The following JMJD1C variants were observed in gnomAD, a reference collection of about 807,000 sequenced individuals.
JMJD1C encodes the protein jumonji domain-containing protein 1C.
A neutral mutation model predicts 245.3 loss-of-function variants in JMJD1C; 31 were observed. That is an observed-to-expected ratio of 0.13 (90% confidence interval 0.09 to 0.17). The LOEUF (loss-of-function observed/expected upper bound fraction) is 0.17. JMJD1C is among the 10% of genes least tolerant of loss of function. JMJD1C has a pLI of 1.00. For synonymous variants in JMJD1C, 1,057 were observed against 1,017.4 expected, an observed-to-expected ratio of 1.04 and a Z score of -0.74; for missense variants, 2,691 against 3,000.2, an observed-to-expected ratio of 0.90 and a Z score of 2.41.
intron 1 of JMJD1C, among the ~76,000 whole-genome samples, chr10:63,417,180 A>C (rs1275962424): frequency 6.6e-6 from 1 of 152,190 alleles, no homozygotes; most frequent in Non-Finnish European, 1.5e-5. Context: ...CAACTCAGGA[A>C]ACTTGCCCAA....
rs1477010012 is a variant in JMJD1C at position 63,217,327 on chromosome 10, A to C, written c.558T>G (p.Pro186=). 3 of 1,570,894 alleles carry C rather than the reference A, an allele frequency of 1.9e-6. No individual in the cohort carries two copies. Among genetic ancestry groups the C allele is most frequent in the Non-Finnish European group, 2.6e-6 (3 of 1,163,334 alleles). Residue 186 remains proline (P), a synonymous_variant, in exon 5 of 26, where the codon CCT becomes CCG. Coordinates refer to ENST00000399262, the MANE Select transcript of JMJD1C (RefSeq NM_032776.3). The part of the protein sequence containing the change: ...QKVQEIFMQG[P]YSLNGYRVRV... The stretch of plus-strand genomic sequence containing the variant: ...TCACTCTGTATCCATTTAAGGAATA[A>C]GGACCTTAAAAAAAACACAAGAAAC...
chr10:63,316,378 G>A (rs1259887921), intron 2 of JMJD1C, among the ~76,000 whole-genome samples: 1 of 152,150 alleles, frequency 6.6e-6, no homozygotes, highest in East Asian at 1.9e-4. Context: ...TGGTTATGAT[G>A]TGGCTTCTTA....
intron 2 of JMJD1C, among the ~76,000 whole-genome samples, chr10:63,316,776 T>C (rs1378146798): frequency 2.0e-5 from 3 of 152,086 alleles, no homozygotes; most frequent in South Asian, 2.1e-4. Context: ...TGTAGTAATG[T>C]GGTATTCTGC....
At chr10:63,392,524 C>A (rs1294886628) in intron 1 of JMJD1C, among the ~76,000 whole-genome samples, 1 of 151,842 alleles carries the variant, frequency 6.6e-6, no homozygotes, top group Non-Finnish European at 1.5e-5. Flanking sequence ...AAAAAAAAAT[C>A]CCATTAAAAA....
chr10:63,202,441 C>A (rs550557502), intron 10 of JMJD1C: 75 of 985,248 alleles, frequency 7.6e-5, no homozygotes, highest in Non-Finnish European at 8.6e-5. Flanking sequence ...TCTAATCATG[C>A]CCAATGTGTG....
intron 2 of JMJD1C, among the ~76,000 whole-genome samples, chr10:63,273,407 T>C (rs560505929): frequency 6.6e-6 from 1 of 152,304 alleles, no homozygotes; most frequent in African/African-American, 2.4e-5. Flanking sequence ...TCTGGTACTC[T>C]GGTAAATTTT....
chr10:63,202,533 G>C (rs1459997692), intron 10 of JMJD1C: 1 of 985,246 alleles, frequency 1.0e-6, no homozygotes, highest in Non-Finnish European at 1.2e-6. Flanking sequence ...AAACCATATA[G>C]AGTGACCCAT....
intron 1 of JMJD1C, among the ~76,000 whole-genome samples, chr10:63,414,010 G>C (rs1012946188): frequency 3.6e-5 from 5 of 138,406 alleles, no homozygotes; most frequent in Admixed American, 2.9e-4. Flanking sequence ...TTTTTGACAC[G>C]GAGTCTTGCA....
At chr10:63,435,081 T>C (rs906595217) in intron 1 of JMJD1C, among the ~76,000 whole-genome samples, 1 of 152,236 alleles carries the variant, frequency 6.6e-6, no homozygotes, top group Non-Finnish European at 1.5e-5. Context: ...GCTCAAGTAT[T>C]TGCATTTGGA....
intron 1 of JMJD1C, among the ~76,000 whole-genome samples, chr10:63,486,847 C>G (rs1954016583): frequency 1.3e-5 from 2 of 152,156 alleles, no homozygotes; most frequent in South Asian, 4.1e-4. Flanking sequence ...TGTGGCATTC[C>G]CTACCCCTTA....
intron 1 of JMJD1C, among the ~76,000 whole-genome samples, chr10:63,446,142 T>C (rs546934470): frequency 7.2e-5 from 11 of 152,162 alleles, no homozygotes; most frequent in African/African-American, 2.4e-4. Flanking sequence ...CCCCGAGTGC[T>C]GAGATTACAG....
chr10:63,513,468 A>G (rs1564981249), intron 1 of JMJD1C, among the ~76,000 whole-genome samples: 3 of 152,234 alleles, frequency 2.0e-5, no homozygotes, highest in Non-Finnish European at 4.4e-5. Context: ...TTGAGATCTA[A>G]TTAAACTAAA....
intron 1 of JMJD1C, among the ~76,000 whole-genome samples, chr10:63,390,245 T>C (rs1203571058): frequency 6.6e-6 from 1 of 152,068 alleles, no homozygotes; most frequent in Non-Finnish European, 1.5e-5. Context: ...GAGACCATTA[T>C]GAACAACTAT....
intron 2 of JMJD1C, among the ~76,000 whole-genome samples, chr10:63,289,605 T>G (rs1858403855): frequency 6.6e-6 from 1 of 152,202 alleles, no homozygotes. Flanking sequence ...GCATGTAGTT[T>G]AAATTTATGT....
chr10:63,357,642 AT>A (rs778787498), intron 2 of JMJD1C, among the ~76,000 whole-genome samples: 1 of 152,156 alleles, frequency 6.6e-6, no homozygotes, highest in South Asian at 2.1e-4. Context: ...AGATATTTGT[AT>A]TTATTTTTCA....
intron 1 of JMJD1C, among the ~76,000 whole-genome samples, chr10:63,507,551 A>G (rs1187663230): frequency 6.8e-6 from 1 of 147,146 alleles, no homozygotes; most frequent in Non-Finnish European, 1.5e-5. Context: ...AGACTGAGGC[A>G]GGAGAATCAC....
chr10:63,223,682 A>G (rs1187227679), intron 3 of JMJD1C, among the ~76,000 whole-genome samples: 1 of 152,108 alleles, frequency 6.6e-6, no homozygotes, highest in Non-Finnish European at 1.5e-5. Flanking sequence ...CCAGTTGCCT[A>G]TGTTTAAATT....
intron 1 of JMJD1C, among the ~76,000 whole-genome samples, chr10:63,441,554 C>T (rs1453595854): frequency 6.6e-6 from 1 of 152,176 alleles, no homozygotes; most frequent in African/African-American, 2.4e-5. Flanking sequence ...TCCTCCCTTC[C>T]TCCTGCATTA....
At chr10:63,269,077 T>C (rs1240231183) in intron 2 of JMJD1C, 12 of 985,354 alleles carry the variant, frequency 1.2e-5, no homozygotes, top group Non-Finnish European at 1.4e-5. Flanking sequence ...ATAATTTCTC[T>C]CGAGGTCGCT....
Sources: allele counts gnomAD v4.1 joint callset (sites outside exome capture counted in the v4.1 genomes callset), GRCh38; gene constraint gnomAD v4.1.1; transcripts MANE v1.5; gene names NCBI Gene and HGNC (gene_info 2026-07-23, HGNC 2026-07-21).